Variants in LAMA1 observed in about 807,000 individuals in gnomAD.
LAMA1 encodes the protein laminin subunit alpha-1.
Under a neutral mutation model 348.7 loss-of-function variants are expected in LAMA1, and 219 were observed. The ratio of observed to expected loss-of-function variants is 0.63; its 90% CI spans 0.56 to 0.70. The LOEUF (loss-of-function observed/expected upper bound fraction) is 0.70. Among genes scored for constraint, LAMA1 ranks in the 30% least tolerant of loss-of-function variants. The pLI is 0.00. For synonymous variants in LAMA1, 1,487 were observed against 1,491.0 expected (o/e 1.00, Z 0.06); for missense variants, 3,744 against 3,888.0 (o/e 0.96, Z 0.99).
intron 29 of LAMA1, 68 bp downstream of exon 29, chr18:7,007,071 C>T (rs1297134222): frequency 1.8e-5 from 28 of 1,593,606 alleles, no homozygotes; most frequent in South Asian, 3.4e-5. Context: ...TGACTTAGAC[C>T]GGAAATCTGA....
rs905757630 is a variant in LAMA1, at chr18:7,059,344, G to A, written c.346-8408C>T. ...GGTTCTCACTAGACTCAGAGTCAAT[G>A]TAGTCTTGCTAAACCTGCAGCTGAT... On this transcript the variant is annotated intron_variant, in intron 3 of 62. Transcript: ENST00000389658. 1.2e-4 allele frequency among the ~76,000 whole-genome samples: 19 copies of A among 152,206 alleles called. No individual in the cohort carries two copies. The South Asian group carries it at 1.4e-3, about 12-fold the overall frequency.
intron 16 of LAMA1, among the ~76,000 whole-genome samples, chr18:7,031,421 AAAG>A (rs2057968658): frequency 6.6e-6 from 1 of 152,326 alleles, no homozygotes; most frequent in East Asian, 1.9e-4. Context: ...ATATTGCATG[AAAG>A]AAGTACCTGT....
intron 1 of LAMA1, among the ~76,000 whole-genome samples, chr18:7,083,374 C>CCATGTT (rs2058201354): frequency 6.6e-6 from 1 of 151,654 alleles, no homozygotes; most frequent in African/African-American, 2.4e-5. Flanking sequence ...TTAATAGAGA[C>CCATGTT]GGAGTTTCAC....
chr18:7,021,807 AT>A (rs1367155278), intron 19 of LAMA1, among the ~76,000 whole-genome samples: 1,239 of 114,886 alleles, frequency 0.011, 21 homozygotes, highest in African/African-American at 0.055. Flanking sequence ...AATATATTAT[AT>A]TATATAATAT....
intron 25 of LAMA1, among the ~76,000 whole-genome samples, chr18:7,010,703 AT>A (rs2057855791): frequency 6.6e-6 from 1 of 152,172 alleles, no homozygotes; most frequent in Non-Finnish European, 1.5e-5. Context: ...CTGGGTGCAT[AT>A]TTGCAAATTG....
rs1338583267 is a variant in LAMA1, at chr18:7,098,102, CA to C, written c.62-17646del. 6.0e-3 allele frequency among the ~76,000 whole-genome samples: 903 copies of C among 150,276 alleles called. 16 individuals carry two copies. Among genetic ancestry groups the C allele is most frequent in the African/African-American group, 0.021 (861 of 41,186 alleles). ...CTAACCGCAAGTAATCCGCCAGCCT[CA>C]GCCTCCCGAGGTGCCGGGATTGCAG... On this transcript the variant is annotated intron_variant, in intron 1 of 62. Transcript: ENST00000389658.
intron 36 of LAMA1, among the ~76,000 whole-genome samples, chr18:6,987,484 A>C (rs112927322): frequency 1.9e-3 from 296 of 152,348 alleles, no homozygotes; most frequent in African/African-American, 6.9e-3. Flanking sequence ...AGAATACCAA[A>C]AGATTTTTTT....
intron 3 of LAMA1, among the ~76,000 whole-genome samples, chr18:7,075,560 T>C (rs1474250867): frequency 6.6e-6 from 1 of 151,338 alleles, no homozygotes; most frequent in Non-Finnish European, 1.5e-5. Flanking sequence ...GAGGCGGAGG[T>C]TGCAGTGAGC....
rs953958661 is a variant in LAMA1 at position 6,964,807 on chromosome 18, A to G, written c.7196-4T>C. On this transcript the variant is annotated splice_polypyrimidine_tract_variant and splice_region_variant and intron_variant, in intron 50 of 62. Transcript: ENST00000389658. ...GCATCGATAACTGCTAGCACTCCTAAAAGGAGAGCACAGGCAAGAGATAAG... is the reference window on the plus strand; with the variant it reads ...GCATCGATAACTGCTAGCACTCCTAGAAGGAGAGCACAGGCAAGAGATAAG... The G allele has an allele frequency of 6.2e-7, 1 of 1,614,046 alleles. No individual in the cohort carries two copies.
At chr18:7,070,340 T>C (rs543258796) in intron 3 of LAMA1, among the ~76,000 whole-genome samples, 95 of 152,348 alleles carry the variant, frequency 6.2e-4, no homozygotes, top group Admixed American at 1.0e-3. Context: ...TTCTGCCTAA[T>C]CTCTTTCCAG....
rs568877669 is a variant in LAMA1 at position 6,946,128 on chromosome 18, T to G, written c.8844+1035A>C. 7.9e-4 allele frequency among the ~76,000 whole-genome samples: 120 copies of G among 151,974 alleles called. 2 individuals carry two copies. The highest frequency in any genetic ancestry group is 2.8e-3 in the African/African-American group (118 of 41,464). On this transcript the variant is annotated intron_variant, in intron 61 of 62. Transcript: ENST00000389658. ...ACAGTCACAGAAAAAAATAACATGT[T>G]CTACATTAAAAAAAAATTATAGCAT...
rs2057942008 is a variant in LAMA1, at chr18:7,026,111, G to A, written c.2275-5C>T. 1 of 1,610,702 alleles carries A rather than the reference G, an allele frequency of 6.2e-7. No homozygotes were observed. On this transcript the variant is annotated splice_polypyrimidine_tract_variant and splice_region_variant and intron_variant, in intron 16 of 62. Transcript: ENST00000389658. ...GGTGGTGTTGTGCGCACACGCCTAG[G>A]AACATGCACCAGAAGAATCAGCTCA...
chr18:7,093,127 C>T (rs945633618), intron 1 of LAMA1, among the ~76,000 whole-genome samples: 7 of 152,120 alleles, frequency 4.6e-5, no homozygotes, highest in South Asian at 2.1e-4. Flanking sequence ...ATTAAAAAGG[C>T]GTCAAATGGC....
At chr18:6,970,149 G>T (rs564416801) in intron 48 of LAMA1, among the ~76,000 whole-genome samples, 1 of 152,110 alleles carries the variant, frequency 6.6e-6, no homozygotes, top group African/African-American at 2.4e-5. Flanking sequence ...AAAAGTGGCG[G>T]ATCAGAGAGC....
intron 57 of LAMA1, chr18:6,954,279 A>T (rs2057563843): frequency 2.0e-5 from 3 of 152,298 alleles, no homozygotes; most frequent in African/African-American, 7.2e-5. Flanking sequence ...GAGAAGGCGG[A>T]ATGTTGGCTT....
At chr18:7,067,911 T>C (rs2058129852) in intron 3 of LAMA1, among the ~76,000 whole-genome samples, 1 of 151,916 alleles carries the variant, frequency 6.6e-6, no homozygotes, top group South Asian at 2.1e-4. Context: ...TGGAGTGCAA[T>C]GGCACGATCT....
intron 1 of LAMA1, 120 bp downstream of exon 1, chr18:7,117,540 G>T: frequency 3.8e-6 from 4 of 1,046,928 alleles, no homozygotes; most frequent in South Asian, 1.5e-5. Context: ...CACCCACTCC[G>T]AGGTGGATCA....
chr18:7,033,829 G>T lies in LAMA1; in HGVS notation c.2051+650C>A, dbSNP rs28667450. Among the ~76,000 whole-genome samples, 170 of 152,130 alleles carry T rather than the reference G, an allele frequency of 1.1e-3. 1 individual carries two copies. The highest frequency in any genetic ancestry group is 3.6e-3 in the African/African-American group (151 of 41,510). On this transcript the variant is annotated intron_variant, in intron 14 of 62. Coordinates refer to ENST00000389658, the MANE Select transcript of LAMA1 (RefSeq NM_005559.4). ...AGCTCACTGCAACGTGCACCTCCTG[G>T]GTTCAAATGATTCTCATGCCTCAGC... is the stretch of plus-strand genomic sequence containing the variant.
At chr18:7,074,357 T>C (rs970408247) in intron 3 of LAMA1, among the ~76,000 whole-genome samples, 20 of 152,204 alleles carry the variant, frequency 1.3e-4, no homozygotes, top group African/African-American at 4.6e-4. Flanking sequence ...GTATTAACTT[T>C]TAAAATAGTG....
Sources: allele counts gnomAD v4.1 joint callset (sites outside exome capture counted in the v4.1 genomes callset), GRCh38; gene constraint gnomAD v4.1.1; transcripts MANE v1.5; gene names NCBI Gene and HGNC (gene_info 2026-07-23, HGNC 2026-07-21).